Variants in ITGB6 observed in about 807,000 individuals in gnomAD.
ITGB6 encodes integrin beta-6.
A neutral mutation model predicts 84.5 loss-of-function variants in ITGB6; 80 were observed. The observed-to-expected ratio is 0.95, with a 90% CI of 0.79 to 1.14. The LOEUF (loss-of-function observed/expected upper bound fraction) is 1.14. ITGB6 is among the 50% of genes most tolerant of loss of function. ITGB6 has a pLI of 0.00. For synonymous variants in ITGB6, 383 were observed against 354.9 expected, an observed-to-expected ratio of 1.08 and a Z score of -0.89; for missense variants, 1,006 against 968.0, an observed-to-expected ratio of 1.04 and a Z score of -0.52.
intron 6 of ITGB6, among the ~76,000 whole-genome samples, chr2:160,170,926 G>T (rs1416324656): frequency 6.6e-6 from 1 of 152,068 alleles, no homozygotes; most frequent in Non-Finnish European, 1.5e-5. Flanking sequence ...AATGAAAAGG[G>T]GATAAATTTT....
chr2:160,148,939 A>T (rs1002418196), intron 7 of ITGB6, among the ~76,000 whole-genome samples: 2 of 152,262 alleles, frequency 1.3e-5, no homozygotes, highest in Non-Finnish European at 2.9e-5. Flanking sequence ...TAAACAAAGC[A>T]GCCAGGAAGC....
At chr2:160,136,147 T>A (rs1213383615) in intron 10 of ITGB6, among the ~76,000 whole-genome samples, 1 of 152,146 alleles carries the variant, frequency 6.6e-6, no homozygotes, top group South Asian at 2.1e-4. Context: ...ATTTTTGCAA[T>A]CTACTCATCT....
intron 4 of ITGB6, among the ~76,000 whole-genome samples, chr2:160,187,973 G>T (rs1046700995): frequency 5.9e-5 from 9 of 152,098 alleles, no homozygotes; most frequent in Non-Finnish European, 1.2e-4. Context: ...GTGTTAATGA[G>T]AGCGAGAAAA....
chr2:160,121,010 T>C (rs1172488349), intron 12 of ITGB6, among the ~76,000 whole-genome samples: 1 of 151,022 alleles, frequency 6.6e-6, no homozygotes, highest in Admixed American at 6.6e-5. Context: ...TGTATACATA[T>C]GTAACAAACC....
rs757807429 is a variant in ITGB6, at chr2:160,172,560, G to C, written c.921+9C>G. The C allele has an allele frequency of 1.9e-6, 3 of 1,588,158 alleles. No individual in the cohort carries two copies. Among genetic ancestry groups the C allele is most frequent in the Non-Finnish European group, 2.6e-6 (3 of 1,158,732 alleles). Reference sequence around the variant, plus strand: ...GCCCTGAAAACAGTACAGAGTGCAGGTTACACACCAAGACAGTTGACATGG... The same window carrying C: ...GCCCTGAAAACAGTACAGAGTGCAGCTTACACACCAAGACAGTTGACATGG... On this transcript the variant is annotated intron_variant, in intron 6 of 14. Transcript: ENST00000283249.
At chr2:160,184,876 A>G (rs926776169) in intron 4 of ITGB6, among the ~76,000 whole-genome samples, 6 of 152,180 alleles carry the variant, frequency 3.9e-5, no homozygotes, top group African/African-American at 1.4e-4. Context: ...CAAAGACAAA[A>G]ATCACATGAT....
At chr2:160,104,496 C>A (rs1446351987) in intron 14 of ITGB6, among the ~76,000 whole-genome samples, 3 of 152,214 alleles carry the variant, frequency 2.0e-5, no homozygotes, top group Non-Finnish European at 2.9e-5. Flanking sequence ...CTGATTCCCC[C>A]AGGTGTCTGG....
At chr2:160,148,894 G>A (rs1684296973) in intron 7 of ITGB6, among the ~76,000 whole-genome samples, 1 of 152,264 alleles carries the variant, frequency 6.6e-6, no homozygotes, top group Non-Finnish European at 1.5e-5. Context: ...CCTGGCTGGG[G>A]AAGGGGCATC....
At chr2:160,139,471 A>G (rs527997228) in intron 8 of ITGB6, among the ~76,000 whole-genome samples, 1 of 152,272 alleles carries the variant, frequency 6.6e-6, no homozygotes, top group East Asian at 1.9e-4. Flanking sequence ...TTCCTCCAAA[A>G]TCTGTTTATA....
At position 160,105,942 on chromosome 2, in the gene ITGB6, A is replaced by C. The variant is rs148083526; in HGVS notation, c.2268+1737T>G. Among the ~76,000 whole-genome samples the C allele has an allele frequency of 6.1e-3, 930 of 152,290 alleles. 3 individuals carry two copies. Among genetic ancestry groups the C allele is most frequent in the African/African-American group, 0.021 (879 of 41,536 alleles). ...TTATGGAAAATACACACATTCGCAA[A>C]AAGAGGAAAGCTATATAACCAACCT... On this transcript the variant is annotated intron_variant, in intron 14 of 14. Coordinates refer to ENST00000283249, the MANE Select transcript of ITGB6 (RefSeq NM_000888.5).
intron 10 of ITGB6, among the ~76,000 whole-genome samples, chr2:160,130,645 C>A (rs7568816): frequency 0.66 from 100,331 of 151,938 alleles, 33,503 homozygotes; most frequent in Admixed American, 0.74. Context: ...TAATTCAAAG[C>A]AAAGAATAAT....
chr2:160,171,964 G>C (rs545441613), intron 6 of ITGB6, among the ~76,000 whole-genome samples: 30 of 152,338 alleles, frequency 2.0e-4, no homozygotes, highest in African/African-American at 7.0e-4. Flanking sequence ...AAGCATAGCA[G>C]CCTCATGGTC....
rs1390995944 is a variant in ITGB6, at chr2:160,107,852, A to G, written c.2102-7T>C. 1.9e-6 allele frequency: 3 copies of G among 1,566,526 alleles called. No homozygotes were observed. The highest frequency in any genetic ancestry group is 1.2e-5 in the South Asian group (1 of 84,036). Reference sequence around the variant, plus strand: ...TTTGGAGGCTTCGGACAATCTGCAGAAATAAAGAAAATTATAAGAAGGTGG... The same window carrying G: ...TTTGGAGGCTTCGGACAATCTGCAGGAATAAAGAAAATTATAAGAAGGTGG... On this transcript the variant is annotated splice_polypyrimidine_tract_variant and splice_region_variant and intron_variant, in intron 13 of 14. Transcript: ENST00000283249.
At chr2:160,103,767 G>GA (rs1696806173) in intron 14 of ITGB6, among the ~76,000 whole-genome samples, 1 of 152,146 alleles carries the variant, frequency 6.6e-6, no homozygotes, top group Non-Finnish European at 1.5e-5. Context: ...GCCTGTCCTG[G>GA]AGGAATTTCC....
intron 7 of ITGB6, among the ~76,000 whole-genome samples, chr2:160,146,665 T>TCTCTCC (rs1323946115): frequency 6.6e-6 from 1 of 152,230 alleles, no homozygotes; most frequent in Non-Finnish European, 1.5e-5. Context: ...TCTCTCTCTC[T>TCTCTCC]CTCTCCCTGT....
chr2:160,148,310 T>C (rs1684275771), intron 7 of ITGB6, among the ~76,000 whole-genome samples: 1 of 152,172 alleles, frequency 6.6e-6, no homozygotes, highest in African/African-American at 2.4e-5. Flanking sequence ...CAACACCAAA[T>C]GCTGACTAGG....
At chr2:160,142,992 A>G (rs1209220228) in intron 7 of ITGB6, among the ~76,000 whole-genome samples, 1 of 152,244 alleles carries the variant, frequency 6.6e-6, no homozygotes, top group Non-Finnish European at 1.5e-5. Context: ...ACTTATCAAT[A>G]TTAACTACAG....
chr2:160,133,574 C>G (rs1329520181), intron 10 of ITGB6, among the ~76,000 whole-genome samples: 2 of 152,174 alleles, frequency 1.3e-5, no homozygotes, highest in Non-Finnish European at 2.9e-5. Context: ...ATCTACAGAA[C>G]TCTCCACCCC....
At chr2:160,178,406 G>A (rs7596372) in intron 4 of ITGB6, among the ~76,000 whole-genome samples, 18,225 of 152,240 alleles carry the variant, frequency 0.12, 2,081 homozygotes, top group East Asian at 0.45. Flanking sequence ...TGACATTTGA[G>A]CATCTTCCAG....
Sources: gnomAD v4.1 joint callset for allele counts (sites outside exome capture counted in the v4.1 genomes callset) on GRCh38, gnomAD v4.1.1 for gene constraint, MANE v1.5 for transcripts, NCBI Gene and HGNC (gene_info 2026-07-23, HGNC 2026-07-21) for gene names.